ARMC9: variants seen among roughly 807,000 people sequenced by gnomAD.
ARMC9 encodes armadillo repeat containing 9, also known as lisH domain-containing protein ARMC9.
A neutral mutation model predicts 107.0 loss-of-function variants in ARMC9; 94 were observed. The observed-to-expected ratio is 0.88, with a 90% CI of 0.74 to 1.04. The LOEUF (loss-of-function observed/expected upper bound fraction) is 1.04. ARMC9 is among the 50% of genes least tolerant of loss of function. ARMC9 has a pLI of 0.00. For synonymous variants in ARMC9, 380 were observed against 396.9 expected (o/e 0.96, Z 0.51); for missense variants, 942 against 1,030.1 (o/e 0.91, Z 1.17).
chr2:231,225,000 C>T (rs778472472), intron 6 of ARMC9, among the ~76,000 whole-genome samples: 12 of 152,142 alleles, frequency 7.9e-5, no homozygotes, highest in Non-Finnish European at 1.6e-4. Flanking sequence ...AAGGTTTATG[C>T]CAAGTCCTAT....
At chr2:231,279,835 G>A (rs2040069267) in intron 16 of ARMC9, among the ~76,000 whole-genome samples, 1 of 152,256 alleles carries the variant, frequency 6.6e-6, no homozygotes, top group African/African-American at 2.4e-5. Context: ...CAAGCAGACA[G>A]CTCCCATTCT....
intron 20 of ARMC9, among the ~76,000 whole-genome samples, chr2:231,340,940 C>T (rs992549378): frequency 6.6e-6 from 1 of 151,480 alleles, no homozygotes; most frequent in Non-Finnish European, 1.5e-5. Context: ...CATGGTGGCT[C>T]GTGTGTAATC....
chr2:231,218,606 G>T (rs1483878827), intron 5 of ARMC9, among the ~76,000 whole-genome samples: 1 of 152,186 alleles, frequency 6.6e-6, no homozygotes, highest in African/African-American at 2.4e-5. Context: ...CCAAGGTGGA[G>T]TTCAGCTTCT....
At chr2:231,256,845 GAC>G (rs2037867811) in intron 10 of ARMC9, among the ~76,000 whole-genome samples, 1 of 152,074 alleles carries the variant, frequency 6.6e-6, no homozygotes, top group African/African-American at 2.4e-5. Flanking sequence ...GTTTTTTTGA[GAC>G]AGAGTTTCGC....
At chr2:231,329,827 G>A (rs978200458) in intron 19 of ARMC9, among the ~76,000 whole-genome samples, 3 of 152,038 alleles carry the variant, frequency 2.0e-5, no homozygotes, top group African/African-American at 7.2e-5. Context: ...AGGGTTTTTT[G>A]TGTGTGTATG....
chr2:231,234,126 T>C (rs2035495874), intron 7 of ARMC9, among the ~76,000 whole-genome samples: 1 of 152,214 alleles, frequency 6.6e-6, no homozygotes, highest in African/African-American at 2.4e-5. Flanking sequence ...ACTTCAAATA[T>C]TGTACAGTAC....
rs1343090642 is a variant in ARMC9 at position 231,345,014 on chromosome 2, G to A, written c.1918G>A (p.Ala640Thr). ...NTGKTRRKGLANVQWSGDEPL... is the reference protein window; with the variant it reads ...NTGKTRRKGLTNVQWSGDEPL... ...GGGGAAGACAAGGCGGAAGGGGCTGGCTAATGTGCAGTGGAGCGGGGATGA... is the reference window on the plus strand; with the variant it reads ...GGGGAAGACAAGGCGGAAGGGGCTGACTAATGTGCAGTGGAGCGGGGATGA... The change falls in exon 21 of 25, where the codon GCT becomes ACT. Residue 640 changes from alanine (A) to threonine (T), a missense_variant. Transcript: ENST00000611582. 1 of 1,614,128 alleles carries A rather than the reference G, an allele frequency of 6.2e-7. No individual in the cohort carries two copies. Among genetic ancestry groups the A allele is most frequent in the Non-Finnish European group, 8.5e-7 (1 of 1,180,030 alleles).
At chr2:231,361,626 G>C (rs1433815667) in intron 23 of ARMC9, among the ~76,000 whole-genome samples, 3 of 152,068 alleles carry the variant, frequency 2.0e-5, no homozygotes, top group Non-Finnish European at 4.4e-5. Flanking sequence ...TCTTTCTTTT[G>C]GATCTGGAGA....
chr2:231,203,283 G>C (rs186475433), intron 1 of ARMC9, among the ~76,000 whole-genome samples: 1 of 152,116 alleles, frequency 6.6e-6, no homozygotes, highest in Non-Finnish European at 1.5e-5. Context: ...CCAGGTTTTC[G>C]TTGACTCAGC....
chr2:231,366,734 G>A (rs1306662988), intron 23 of ARMC9, among the ~76,000 whole-genome samples: 9 of 151,442 alleles, frequency 5.9e-5, no homozygotes, highest in African/African-American at 1.5e-4. Context: ...CCAGCTACTC[G>A]GGAGGCTGAG....
chr2:231,293,066 G>A (rs1408739349), intron 18 of ARMC9, among the ~76,000 whole-genome samples: 1 of 152,200 alleles, frequency 6.6e-6, no homozygotes, highest in African/African-American at 2.4e-5. Flanking sequence ...CAGCTGAGGA[G>A]AGCAGCCAGG....
At position 231,335,136 on chromosome 2, in the gene ARMC9, CAAG is replaced by C. The variant is rs767283157; in HGVS notation, c.1878+3243_1878+3245del. Among the ~76,000 whole-genome samples, 10 of 152,322 alleles carry C rather than the reference CAAG, an allele frequency of 6.6e-5. No individual in the cohort carries two copies. In the South Asian group the frequency reaches 1.9e-3, roughly 28 times the overall value. On this transcript the variant is annotated intron_variant, in intron 20 of 24. Coordinates refer to ENST00000611582, the MANE Select transcript of ARMC9 (RefSeq NM_001352754.2). ...AGGCTTAAGACACAGCTGTTACCGTCAAGAAGTTTTCAGAAGGCACCAAACAGA... is the reference window on the plus strand; with the variant it reads ...AGGCTTAAGACACAGCTGTTACCGTCAAGTTTTCAGAAGGCACCAAACAGA...
chr2:231,292,167 CA>C (rs1248110796), intron 18 of ARMC9, among the ~76,000 whole-genome samples: 479 of 56,090 alleles, frequency 8.5e-3, no homozygotes, highest in East Asian at 0.013. Context: ...AACTCCTTCT[CA>C]AAAAAAAAAA....
At chr2:231,345,674 C>A (rs1210296793) in intron 21 of ARMC9, among the ~76,000 whole-genome samples, 1 of 152,126 alleles carries the variant, frequency 6.6e-6, no homozygotes, top group Non-Finnish European at 1.5e-5. Flanking sequence ...GTCCAGTGGG[C>A]GGTAGAGAAG....
chr2:231,272,241 A>G (rs1210761353), intron 13 of ARMC9, among the ~76,000 whole-genome samples: 2 of 118,500 alleles, frequency 1.7e-5, no homozygotes, highest in African/African-American at 3.5e-5. Context: ...ACCAGACTGG[A>G]GTACAGTGGC....
chr2:231,309,917 C>T (rs1392527519), intron 19 of ARMC9, among the ~76,000 whole-genome samples: 3 of 152,118 alleles, frequency 2.0e-5, no homozygotes, highest in Non-Finnish European at 2.9e-5. Flanking sequence ...TCAAATTGAG[C>T]CATTTTATAT....
intron 23 of ARMC9, among the ~76,000 whole-genome samples, chr2:231,365,827 C>A (rs1194123036): frequency 6.6e-6 from 1 of 152,090 alleles, no homozygotes; most frequent in Non-Finnish European, 1.5e-5. Flanking sequence ...GAGACACAGT[C>A]TCGCTCTGTC....
At position 231,328,814 on chromosome 2, in the gene ARMC9, C is replaced by CTTTTTTTT. The variant is rs1341987081; in HGVS notation, c.1774-2975_1774-2974insTTTTTTTT. On this transcript the variant is annotated intron_variant, in intron 19 of 24. Transcript: ENST00000611582. ...AGCGTGTTCAATTTTCTTTTCTTTTCTTTTCTTTTTTTTTTTTTGAGTCGG... is the reference window on the plus strand; with the variant it reads ...AGCGTGTTCAATTTTCTTTTCTTTTCTTTTTTTTTTTTCTTTTTTTTTTTTTGAGTCGG... Among the ~76,000 whole-genome samples the CTTTTTTTT allele has an allele frequency of 5.0e-3, 638 of 126,956 alleles. 78 individuals are homozygous for CTTTTTTTT. The highest frequency in any genetic ancestry group is 9.4e-3 in the Middle Eastern group (2 of 212). The allele number at this position is 126,956 out of a possible 152,430, so 83.3% of individuals were successfully genotyped here.
Position 231,282,099 on chromosome 2 carries a change from C to T in ARMC9, c.1592C>T (p.Ser531Phe). Residue 531 changes from serine to phenylalanine, a missense_variant, in exon 17 of 25, where the codon TCT (serine) becomes TTT (phenylalanine). Coordinates refer to ENST00000611582, the MANE Select transcript of ARMC9 (RefSeq NM_001352754.2). The part of the protein sequence containing the change: ...YVNGALYSIL[S>F]VPSIREEARA... ...AATGGAGCTCTGTACAGCATCCTTTCTGTTCCATCCATTCGTGAGGAAGCA... is the reference window on the plus strand; with the variant it reads ...AATGGAGCTCTGTACAGCATCCTTTTTGTTCCATCCATTCGTGAGGAAGCA... 1 of 1,614,184 alleles carries T rather than the reference C, an allele frequency of 6.2e-7. No homozygotes were observed. The highest frequency in any genetic ancestry group is 8.5e-7 in the Non-Finnish European group (1 of 1,180,002).
Sources: gnomAD v4.1 joint callset for allele counts (sites outside exome capture counted in the v4.1 genomes callset) on GRCh38, gnomAD v4.1.1 for gene constraint, MANE v1.5 for transcripts, NCBI Gene and HGNC (gene_info 2026-07-23, HGNC 2026-07-21) for gene names.